SCUBE2: variants seen among roughly 807,000 people sequenced by gnomAD.
SCUBE2 encodes signal peptide, CUB and EGF-like domain-containing protein 2.
Under a neutral mutation model 125.9 loss-of-function variants are expected in SCUBE2, and 114 were observed. That is an observed-to-expected ratio of 0.91 (90% CI 0.78 to 1.06). The LOEUF is 1.06. Among genes scored for constraint, SCUBE2 ranks in the 50% least tolerant of loss-of-function variants. The pLI, the probability that SCUBE2 is intolerant of heterozygous loss-of-function variation, is 0.00. For missense variants in SCUBE2, 1,255 were observed against 1,301.8 expected, an observed-to-expected ratio of 0.96 and a Z score of 0.55; for synonymous variants, 459 against 492.9, an observed-to-expected ratio of 0.93 and a Z score of 0.91.
At chr11:9,050,550 G>T (rs980512131) in intron 14 of SCUBE2, 56 bp downstream of exon 14, 3 of 1,388,408 alleles carry the variant, frequency 2.2e-6, no homozygotes, top group East Asian at 2.3e-5. Context: ...TCGGCTGGCT[G>T]CAGGCCCCTT....
intron 10 of SCUBE2, 66 bp downstream of exon 10, chr11:9,055,727 T>C: frequency 2.4e-6 from 3 of 1,241,900 alleles, no homozygotes; most frequent in African/African-American, 2.9e-5. Context: ...ACCTCAGGGG[T>C]AGGCCCTGCT....
intron 2 of SCUBE2, among the ~76,000 whole-genome samples, chr11:9,089,156 C>T (rs900629730): frequency 3.3e-5 from 5 of 152,218 alleles, no homozygotes; most frequent in African/African-American, 1.2e-4. Flanking sequence ...TAAAATGCCC[C>T]TCTGCACACA....
chr11:9,027,376 T>C lies in SCUBE2; in HGVS notation c.2689A>G (p.Met897Val), dbSNP rs2135074350. ...IEDDCGDYLVMRKTSSSNSVT... is the reference protein window; with the variant it reads ...IEDDCGDYLVVRKTSSSNSVT... Reference sequence around the variant, plus strand: ...GAGTGAGACGCACAGGTTTTCCGCATCACCAGATAGTCCCCACAGTCGTCC... The same window carrying C: ...GAGTGAGACGCACAGGTTTTCCGCACCACCAGATAGTCCCCACAGTCGTCC... The change falls in exon 20 of 23, where the codon ATG (methionine) becomes GTG (valine). Residue 897 changes from methionine to valine, a missense_variant. Transcript: ENST00000649792. 2.5e-6 allele frequency: 4 copies of C among 1,613,956 alleles called. No individual in the cohort carries two copies. Among genetic ancestry groups the C allele is most frequent in the Non-Finnish European group, 3.4e-6 (4 of 1,179,980 alleles).
At chr11:9,029,768 C>A in intron 19 of SCUBE2, 116 bp downstream of exon 19, 2 of 1,143,104 alleles carry the variant, frequency 1.7e-6, no homozygotes, top group Non-Finnish European at 2.6e-6. Flanking sequence ...GGGCTCATAA[C>A]ATCTACATGG....
chr11:9,091,567 G>T lies in SCUBE2; in HGVS notation c.-39C>A, dbSNP rs1385553535. On this transcript the variant is annotated 5_prime_UTR_variant, in exon 1 of 23. Transcript: ENST00000649792. This position sits in a 1 kb window ranked among gnomAD's most constrained non-coding sequence, Gnocchi z 8.5. ...GTTGCGGGCAGAGGCGGCGGAGTGC[G>T]GGCGGTGGCGGCGGCGGCGCGGGGA... The T allele has an allele frequency of 8.8e-6, 4 of 454,662 alleles. No individual in the cohort carries two copies. In the East Asian group the frequency reaches 2.1e-4, roughly 24 times the overall value. 28.2% of individuals were successfully genotyped at this position (454,662 alleles called of 1,614,324 possible).
chr11:9,040,684 C>T (rs953292972), intron 16 of SCUBE2, among the ~76,000 whole-genome samples: 9 of 141,098 alleles, frequency 6.4e-5, no homozygotes, highest in East Asian at 2.1e-4. Context: ...AGTGTGGGTA[C>T]GCAGGAGAAA....
At chr11:9,075,074 G>A (rs376680292) in intron 3 of SCUBE2, among the ~76,000 whole-genome samples, 35 of 152,064 alleles carry the variant, frequency 2.3e-4, no homozygotes, top group African/African-American at 8.0e-4. Context: ...AAATCAGCTA[G>A]GCATGGTGGC....
At chr11:9,063,532 A>G (rs1463958027) in intron 7 of SCUBE2, among the ~76,000 whole-genome samples, 2 of 152,280 alleles carry the variant, frequency 1.3e-5, no homozygotes, top group Non-Finnish European at 1.5e-5. Context: ...ACTAACTTCA[A>G]AACAGTGATG....
intron 17 of SCUBE2, among the ~76,000 whole-genome samples, chr11:9,032,024 G>A (rs528243247): frequency 6.6e-6 from 1 of 152,248 alleles, no homozygotes; most frequent in East Asian, 1.9e-4. Context: ...TATATGAATT[G>A]TGAATAATTC....
intron 19 of SCUBE2, among the ~76,000 whole-genome samples, chr11:9,027,866 C>T (rs2135086175): frequency 6.6e-6 from 1 of 152,224 alleles, no homozygotes; most frequent in South Asian, 2.1e-4. Context: ...ATTTTGTTTA[C>T]CAAGTCCAAG....
intron 2 of SCUBE2, among the ~76,000 whole-genome samples, chr11:9,083,327 C>T (rs1473956830): frequency 6.6e-6 from 1 of 152,106 alleles, no homozygotes; most frequent in African/African-American, 2.4e-5. Flanking sequence ...CAACACCTTG[C>T]TTGGATGCTT....
At chr11:9,043,463 AT>A (rs151177606) in intron 16 of SCUBE2, among the ~76,000 whole-genome samples, 19,579 of 146,542 alleles carry the variant, frequency 0.13, 1,252 homozygotes, top group Middle Eastern at 0.18. Flanking sequence ...CCCTATAATC[AT>A]TTTTTTTTTT....
rs1862687844 is a variant in SCUBE2, at chr11:9,091,253, C to T, written c.133+143G>A. 9.5e-6 allele frequency: 5 copies of T among 526,534 alleles called. No homozygotes were observed. In the South Asian group the frequency reaches 4.7e-4, roughly 50 times the overall value. 32.6% of individuals were successfully genotyped at this position (526,534 alleles called of 1,614,324 possible). On this transcript the variant is annotated intron_variant, in intron 1 of 22. Transcript: ENST00000649792. This position sits in a 1 kb window ranked among gnomAD's most constrained non-coding sequence, Gnocchi z 8.5. Reference sequence around the variant, plus strand: ...CCTTGGCCCGGCCGGCGGGTGAGGTCCCGGGGGGAGCAGAGGCCCCCGCGG... The same window carrying T: ...CCTTGGCCCGGCCGGCGGGTGAGGTTCCGGGGGGAGCAGAGGCCCCCGCGG...
At chr11:9,075,683 G>A (rs567087766) in intron 3 of SCUBE2, among the ~76,000 whole-genome samples, 50 of 152,360 alleles carry the variant, frequency 3.3e-4, no homozygotes, top group African/African-American at 1.1e-3. Flanking sequence ...CAGCAGCTGA[G>A]GGCAGGACAG....
At chr11:9,061,571 G>GAAAAAA (rs11301303) in intron 7 of SCUBE2, among the ~76,000 whole-genome samples, 16 of 101,108 alleles carry the variant, frequency 1.6e-4, no homozygotes, top group African/African-American at 4.2e-4. Context: ...GAAAAGAAAA[G>GAAAAAA]AAAAAAAAAA....
At chr11:9,058,608 A>G in intron 9 of SCUBE2, among the ~76,000 whole-genome samples, 1 of 85,388 alleles carries the variant, frequency 1.2e-5, no homozygotes, top group Non-Finnish European at 2.5e-5. Context: ...AAAAAAAAAA[A>G]AAAAAAAAAA....
intron 16 of SCUBE2, among the ~76,000 whole-genome samples, chr11:9,046,332 T>C (rs566859536): frequency 4.8e-4 from 73 of 152,226 alleles, no homozygotes; most frequent in African/African-American, 1.7e-3. Context: ...TAGGCTGTTG[T>C]GGTCATGAAG....
rs140360877 is a variant in SCUBE2, at chr11:9,020,434, CTTTTT to C, written c.*606_*610del. ...TTTTATTTATTTCTAATTCTTTCTG[CTTTTT>C]TTTTTCACGAGCACTGCTTAGAACT... On this transcript the variant is annotated 3_prime_UTR_variant, in exon 23 of 23. Coordinates refer to ENST00000649792, the MANE Select transcript of SCUBE2 (RefSeq NM_001367977.2). The C allele has an allele frequency of 6.7e-6, 1 of 148,970 alleles. No homozygotes were observed. Among genetic ancestry groups the C allele is most frequent in the South Asian group, 2.1e-4 (1 of 4,728 alleles). 9.2% of individuals were successfully genotyped at this position (148,970 alleles called of 1,614,324 possible). A position where few individuals can be genotyped will look rare whatever the true frequency, so the allele number is the denominator to read the frequency against.
chr11:9,083,675 C>T (rs550101145), intron 2 of SCUBE2, among the ~76,000 whole-genome samples: 1 of 152,156 alleles, frequency 6.6e-6, no homozygotes, highest in African/African-American at 2.4e-5. Context: ...CTGCCTCAGC[C>T]TCCCGAGTAG....
Sources: allele counts gnomAD v4.1 joint callset (sites outside exome capture counted in the v4.1 genomes callset), GRCh38; gene constraint gnomAD v4.1.1; non-coding constraint Gnocchi (gnomAD v3.1); transcripts MANE v1.5; gene names NCBI Gene and HGNC (gene_info 2026-07-23, HGNC 2026-07-21).